Variants in GALNT18 observed in about 807,000 individuals in gnomAD.
GALNT18 encodes the protein polypeptide N-acetylgalactosaminyltransferase 18.
GALNT18 carries 44 observed loss-of-function variants against 69.5 expected under a neutral mutation model. The observed-to-expected ratio is 0.63, with a 90% CI of 0.50 to 0.81. GALNT18 has a LOEUF of 0.81. Among genes scored for constraint, GALNT18 ranks in the 40% least tolerant of loss-of-function variants. The probability of loss-of-function intolerance (pLI) is 0.00; values close to 1 mark genes in which losing one functional copy is unlikely to be tolerated. For synonymous variants in GALNT18, 364 were observed against 318.2 expected (o/e 1.14, Z -1.53); for missense variants, 715 against 810.0 (o/e 0.88, Z 1.42).
intron 1 of GALNT18, among the ~76,000 whole-genome samples, chr11:11,512,793 C>A (rs992611611): frequency 2.0e-5 from 3 of 152,162 alleles, no homozygotes; most frequent in African/African-American, 7.2e-5. Flanking sequence ...ACTCTCCTAA[C>A]CCATCTATCA....
Position 11,413,147 on chromosome 11 carries a change from G to C in GALNT18, c.595+19474C>G, listed in dbSNP as rs1854768840. On this transcript the variant is annotated intron_variant, in intron 3 of 10. Transcript: ENST00000227756. This position sits in a 1 kb window ranked among gnomAD's most constrained non-coding sequence, Gnocchi z 4.7. ...CTTCCTGAATAAACTGCATGCAGTT[G>C]AATCTGTGTCTCAGAGTCTGCTTCT... 6.6e-6 allele frequency among the ~76,000 whole-genome samples: 1 copy of C among 152,176 alleles called. No homozygotes were observed. Among genetic ancestry groups the C allele is most frequent in the African/African-American group, 2.4e-5 (1 of 41,444 alleles).
Position 11,316,512 on chromosome 11 carries a change from T to C in GALNT18, c.1512+10574A>G, listed in dbSNP as rs909272003. 1.7e-4 allele frequency among the ~76,000 whole-genome samples: 26 copies of C among 152,280 alleles called. No homozygotes were observed. The East Asian group carries it at 1.9e-3, about 11-fold the overall frequency. ...CGTGGAATTCATCTCCAGGTTAAAATAGAGTACTTCTTTCATCTCAACTCT... is the reference window on the plus strand; with the variant it reads ...CGTGGAATTCATCTCCAGGTTAAAACAGAGTACTTCTTTCATCTCAACTCT... On this transcript the variant is annotated intron_variant, in intron 9 of 10. Transcript: ENST00000227756.
At chr11:11,300,193 C>G (rs567977776) in intron 9 of GALNT18, among the ~76,000 whole-genome samples, 2 of 152,316 alleles carry the variant, frequency 1.3e-5, no homozygotes, top group East Asian at 1.9e-4. Context: ...ATTAAATGAG[C>G]CTTCCTTGAC....
At chr11:11,279,099 C>T (rs532998275) in intron 10 of GALNT18, among the ~76,000 whole-genome samples, 68 of 152,252 alleles carry the variant, frequency 4.5e-4, no homozygotes, top group Non-Finnish European at 7.8e-4. Context: ...GGGCTCTCTC[C>T]GCTCTGAGTC....
At chr11:11,516,926 C>T (rs768386383) in intron 1 of GALNT18, among the ~76,000 whole-genome samples, 2 of 152,316 alleles carry the variant, frequency 1.3e-5, no homozygotes, top group Non-Finnish European at 1.5e-5. Context: ...AAAGTTCATA[C>T]GGTGAAATCC....
In GALNT18 at chr11:11,435,430, C is replaced by T. The variant is rs536397970; in HGVS notation, c.429-2643G>A. On this transcript the variant is annotated intron_variant, in intron 2 of 10. Coordinates refer to ENST00000227756, the MANE Select transcript of GALNT18 (RefSeq NM_198516.3). This position sits in a 1 kb window ranked among gnomAD's most constrained non-coding sequence, Gnocchi z 4.4. ...GCTGTATTTGTATAATAAGCTAAGC[C>T]CTGCTGATCACGATTTTCACAAGAA... Among the ~76,000 whole-genome samples, 1 of 152,128 alleles carries T rather than the reference C, an allele frequency of 6.6e-6. No homozygotes were observed. Among genetic ancestry groups the T allele is most frequent in the Admixed American group, 6.6e-5 (1 of 15,266 alleles).
chr11:11,452,015 T>C (rs771567980), intron 1 of GALNT18, among the ~76,000 whole-genome samples: 3 of 152,088 alleles, frequency 2.0e-5, no homozygotes, highest in East Asian at 1.9e-4. Flanking sequence ...AAGAGCAGAG[T>C]TGAGTATGTA....
chr11:11,286,567 T>A (rs1849199176), intron 10 of GALNT18, among the ~76,000 whole-genome samples: 1 of 152,076 alleles, frequency 6.6e-6, no homozygotes, highest in Non-Finnish European at 1.5e-5. Context: ...TCTTTGGGGC[T>A]CCCACAAACC....
chr11:11,323,311 T>C (rs1278805191), intron 9 of GALNT18, among the ~76,000 whole-genome samples: 1 of 152,200 alleles, frequency 6.6e-6, no homozygotes, highest in Non-Finnish European at 1.5e-5. Flanking sequence ...GCCTGTGGAA[T>C]TAGATAAGTC....
At chr11:11,490,225 T>TAACA (rs1320766978) in intron 1 of GALNT18, among the ~76,000 whole-genome samples, 41 of 77,034 alleles carry the variant, frequency 5.3e-4, no homozygotes, top group African/African-American at 2.0e-3. Context: ...TCTCTCTCTC[T>TAACA]CTCTCTCTAA....
rs149761628 is a variant in GALNT18 at position 11,430,173 on chromosome 11, G to A, written c.595+2448C>T. 6.2e-3 allele frequency among the ~76,000 whole-genome samples: 946 copies of A among 152,242 alleles called. 5 individuals carry two copies. Among genetic ancestry groups the A allele is most frequent in the South Asian group, 0.012 (56 of 4,822 alleles). Reference sequence around the variant, plus strand: ...AAAAAAGAATGCTTTTTAAAACAGCGATGTCTAGAACCCTCTTTGAACTCA... The same window carrying A: ...AAAAAAGAATGCTTTTTAAAACAGCAATGTCTAGAACCCTCTTTGAACTCA... On this transcript the variant is annotated intron_variant, in intron 3 of 10. Transcript: ENST00000227756. The surrounding 1 kb of genome is among the most constrained non-coding windows in gnomAD (Gnocchi z 4.9).
At chr11:11,360,743 A>G (rs1295715005) in intron 6 of GALNT18, among the ~76,000 whole-genome samples, 1 of 151,954 alleles carries the variant, frequency 6.6e-6, no homozygotes, top group Non-Finnish European at 1.5e-5. Flanking sequence ...TCATTTCTTC[A>G]GGAAACTTTT....
intron 1 of GALNT18, chr11:11,475,924 A>C (rs1352573583): frequency 2.0e-5 from 3 of 152,210 alleles, no homozygotes; most frequent in Admixed American, 2.0e-4. Context: ...AACAACAGGC[A>C]CTGAATCCAG....
At chr11:11,547,478 T>C (rs893212382) in intron 1 of GALNT18, among the ~76,000 whole-genome samples, 3 of 152,220 alleles carry the variant, frequency 2.0e-5, no homozygotes, top group Non-Finnish European at 4.4e-5. Flanking sequence ...GCAATGCCCA[T>C]GGCCTGGGCC....
chr11:11,495,317 G>A (rs981047680), intron 1 of GALNT18, among the ~76,000 whole-genome samples: 3 of 152,180 alleles, frequency 2.0e-5, no homozygotes, highest in Non-Finnish European at 2.9e-5. Flanking sequence ...ACTTCTCAGA[G>A]CCTTCACTAC....
intron 1 of GALNT18, among the ~76,000 whole-genome samples, chr11:11,457,369 T>C (rs141590302): frequency 0.01 from 1,541 of 152,312 alleles, 25 homozygotes; most frequent in African/African-American, 0.035. Context: ...TCGCTGGAGA[T>C]AGAAATTCTG....
At position 11,366,655 on chromosome 11, in the gene GALNT18, T is replaced by A. The variant is rs1157215878; in HGVS notation, c.1092+5860A>T. ...TAGGGAAAGAATTCGAAAATATAGA[T>A]GAAAGGTACTGCCATTGTTATTTAG... On this transcript the variant is annotated intron_variant, in intron 6 of 10. Coordinates refer to ENST00000227756, the MANE Select transcript of GALNT18 (RefSeq NM_198516.3). Among the ~76,000 whole-genome samples, 3 of 152,174 alleles carry A rather than the reference T, an allele frequency of 2.0e-5. No homozygotes were observed. In the South Asian group the frequency reaches 6.2e-4, roughly 32 times the overall value.
chr11:11,366,028 C>A (rs1850760807), intron 6 of GALNT18, among the ~76,000 whole-genome samples: 1 of 152,154 alleles, frequency 6.6e-6, no homozygotes, highest in African/African-American at 2.4e-5. Context: ...GCAACAGTGC[C>A]CAGTACCCAG....
chr11:11,539,515 C>T (rs889888243), intron 1 of GALNT18, among the ~76,000 whole-genome samples: 1 of 152,210 alleles, frequency 6.6e-6, no homozygotes, highest in Non-Finnish European at 1.5e-5. Context: ...CAACTATAGA[C>T]ACGAGCCAAA....
Sources: gnomAD v4.1 joint callset for allele counts (sites outside exome capture counted in the v4.1 genomes callset) on GRCh38, gnomAD v4.1.1 for gene constraint, Gnocchi (gnomAD v3.1) non-coding constraint, MANE v1.5 for transcripts, NCBI Gene and HGNC (gene_info 2026-07-23, HGNC 2026-07-21) for gene names.